PTPRM: variants seen among roughly 807,000 people sequenced by gnomAD.
PTPRM encodes receptor-type tyrosine-protein phosphatase mu.
Under a neutral mutation model 186.7 loss-of-function variants are expected in PTPRM, and 47 were observed. That is an observed-to-expected ratio of 0.25 (90% confidence interval 0.20 to 0.32). The LOEUF (loss-of-function observed/expected upper bound fraction) is 0.32, where lower values mean the gene tolerates loss of function less well. Ranked by LOEUF, PTPRM falls within the 10% of genes least tolerant of loss-of-function variation. The pLI is 1.00. For missense variants in PTPRM, 1,494 were observed against 1,865.0 expected (o/e 0.80, Z 3.66); for synonymous variants, 668 against 674.9 (o/e 0.99, Z 0.16).
At chr18:8,107,284 G>A (rs1439901139) in intron 11 of PTPRM, among the ~76,000 whole-genome samples, 1 of 152,214 alleles carries the variant, frequency 6.6e-6, no homozygotes, top group Non-Finnish European at 1.5e-5. Context: ...TACTCGAAAT[G>A]TGGTGCCTGT....
intron 1 of PTPRM, among the ~76,000 whole-genome samples, chr18:7,603,536 G>A (rs185080429): frequency 1.8e-3 from 276 of 152,322 alleles, no homozygotes; most frequent in African/African-American, 6.3e-3. Context: ...GCTCCATGGG[G>A]AGAGTCTGGT....
Position 8,338,396 on chromosome 18 carries a change from G to A in PTPRM, c.2957-5027G>A, listed in dbSNP as rs115240257. ...TTAAAAAAAAAACACCTTTAAAGAGGTGGTTTCAGTGTGGTTAATATGGGT... is the reference window on the plus strand; with the variant it reads ...TTAAAAAAAAAACACCTTTAAAGAGATGGTTTCAGTGTGGTTAATATGGGT... On this transcript the variant is annotated intron_variant, in intron 22 of 32. Transcript: ENST00000580170. 6.3e-3 allele frequency among the ~76,000 whole-genome samples: 944 copies of A among 150,664 alleles called. 12 individuals carry two copies. The highest frequency in any genetic ancestry group is 0.022 in the African/African-American group (901 of 41,186).
chr18:7,877,343 T>G (rs771659586), intron 2 of PTPRM, among the ~76,000 whole-genome samples: 1 of 152,196 alleles, frequency 6.6e-6, no homozygotes, highest in Non-Finnish European at 1.5e-5. Flanking sequence ...ATGCCTAGTT[T>G]GTATTACTGA....
intron 1 of PTPRM, among the ~76,000 whole-genome samples, chr18:7,666,905 G>C (rs576768958): frequency 1.3e-5 from 2 of 152,268 alleles, no homozygotes; most frequent in East Asian, 3.9e-4. Flanking sequence ...AGCAGGGACT[G>C]ATGATCTTAT....
chr18:7,670,357 T>C (rs1358358495), intron 1 of PTPRM, among the ~76,000 whole-genome samples: 2 of 152,216 alleles, frequency 1.3e-5, no homozygotes, highest in African/African-American at 4.8e-5. Flanking sequence ...TTTACTTATA[T>C]AGATTCTGTC....
At chr18:7,634,029 C>T (rs1421620050) in intron 1 of PTPRM, among the ~76,000 whole-genome samples, 1 of 152,104 alleles carries the variant, frequency 6.6e-6, no homozygotes, top group African/African-American at 2.4e-5. Flanking sequence ...TTCCAAGGCC[C>T]GCTGGGTATG....
intron 2 of PTPRM, among the ~76,000 whole-genome samples, chr18:7,868,358 T>C (rs2047817258): frequency 1.3e-5 from 2 of 152,218 alleles, no homozygotes; most frequent in African/African-American, 4.8e-5. Context: ...TTGATGTTGG[T>C]TGGCCTTTGT....
chr18:7,983,099 T>C (rs1261202224), intron 7 of PTPRM, among the ~76,000 whole-genome samples: 1 of 151,994 alleles, frequency 6.6e-6, no homozygotes, highest in African/African-American at 2.4e-5. Context: ...TACTTTCATA[T>C]AAAGTAGGGG....
chr18:7,752,077 G>A (rs573984267), intron 1 of PTPRM, among the ~76,000 whole-genome samples: 7 of 152,274 alleles, frequency 4.6e-5, no homozygotes, highest in African/African-American at 7.2e-5. Flanking sequence ...TTTACCAAGC[G>A]TAATGACACC....
chr18:8,078,523 T>TA (rs1399901426), intron 9 of PTPRM, among the ~76,000 whole-genome samples: 2 of 152,226 alleles, frequency 1.3e-5, no homozygotes, highest in African/African-American at 4.8e-5. Flanking sequence ...GAAAAAAGTT[T>TA]AGTAACCAAT....
intron 23 of PTPRM, among the ~76,000 whole-genome samples, chr18:8,364,113 CT>C (rs2095613308): frequency 6.6e-6 from 1 of 152,164 alleles, no homozygotes. Context: ...TTGAAATAAT[CT>C]TCAAGGATGT....
At chr18:7,996,904 A>C (rs2083571891) in intron 7 of PTPRM, among the ~76,000 whole-genome samples, 1 of 152,148 alleles carries the variant, frequency 6.6e-6, no homozygotes, top group South Asian at 2.1e-4. Context: ...AAAAATGAAA[A>C]GATATTACAT....
chr18:7,629,762 A>AGT (rs143170075), intron 1 of PTPRM, among the ~76,000 whole-genome samples: 96 of 151,584 alleles, frequency 6.3e-4, no homozygotes, highest in African/African-American at 2.0e-3. Flanking sequence ...GTGTGTGTGT[A>AGT]GTGTGTGTGT....
chr18:7,625,099 G>A (rs1020274895), intron 1 of PTPRM, among the ~76,000 whole-genome samples: 1 of 152,192 alleles, frequency 6.6e-6, no homozygotes, highest in Non-Finnish European at 1.5e-5. Context: ...TGGTCAGGGA[G>A]CGTATATATT....
At chr18:8,126,288 G>A (rs962302199) in intron 13 of PTPRM, among the ~76,000 whole-genome samples, 2 of 150,854 alleles carry the variant, frequency 1.3e-5, no homozygotes, top group Admixed American at 1.3e-4. Context: ...TTTTGAAATT[G>A]GTTTATTTTG....
chr18:8,250,442 T>G (rs1226140479), intron 17 of PTPRM, among the ~76,000 whole-genome samples: 1 of 152,110 alleles, frequency 6.6e-6, no homozygotes, highest in Non-Finnish European at 1.5e-5. Flanking sequence ...GAAGCTTTGT[T>G]TCTTTATTTC....
intron 14 of PTPRM, among the ~76,000 whole-genome samples, chr18:8,236,247 C>A (rs975808527): frequency 1.3e-5 from 2 of 152,160 alleles, no homozygotes; most frequent in African/African-American, 4.8e-5. Flanking sequence ...TATTTTGACA[C>A]TATGGTATAG....
In PTPRM at chr18:8,329,003, A is replaced by T. The variant is rs536772588; in HGVS notation, c.2956+9789A>T. On this transcript the variant is annotated intron_variant, in intron 22 of 32. Coordinates refer to ENST00000580170, the MANE Select transcript of PTPRM (RefSeq NM_001105244.2). The stretch of plus-strand genomic sequence containing the variant: ...AAATAGAGCATGTCAGGTAACATCC[A>T]CCTATGTTGTTATAGATGCCATAAG... Among the ~76,000 whole-genome samples the T allele has an allele frequency of 5.6e-4, 85 of 152,348 alleles. 1 individual carries two copies. The highest frequency in any genetic ancestry group is 6.8e-3 in the Middle Eastern group (2 of 294).
intron 22 of PTPRM, among the ~76,000 whole-genome samples, chr18:8,338,603 C>A (rs998137652): frequency 6.6e-6 from 1 of 152,184 alleles, no homozygotes; most frequent in African/African-American, 2.4e-5. Flanking sequence ...GCTTGTTTGA[C>A]TTCCCAGTGC....
Sources: gnomAD v4.1 joint callset for allele counts (sites outside exome capture counted in the v4.1 genomes callset) on GRCh38, gnomAD v4.1.1 for gene constraint, MANE v1.5 for transcripts, NCBI Gene and HGNC (gene_info 2026-07-23, HGNC 2026-07-21) for gene names.